Variants in GALNTL6 observed in about 807,000 individuals in gnomAD.
The protein encoded by GALNTL6 is polypeptide N-acetylgalactosaminyltransferase like 6, also known as polypeptide N-acetylgalactosaminyltransferase-like 6.
In GALNTL6, 46 loss-of-function variants were observed where a neutral mutation model predicts 73.7. That is an observed-to-expected ratio of 0.62 (90% CI 0.49 to 0.80). The LOEUF is 0.80. Among genes scored for constraint, GALNTL6 ranks in the 30% least tolerant of loss-of-function variants. The pLI, the probability that GALNTL6 is intolerant of heterozygous loss-of-function variation, is 0.00. For missense variants in GALNTL6, 604 were observed against 755.0 expected (o/e 0.80, Z 2.34); for synonymous variants, 259 against 263.7 (o/e 0.98, Z 0.17).
chr4:171,887,456 G>A (rs1264097905), intron 2 of GALNTL6, among the ~76,000 whole-genome samples: 1 of 152,164 alleles, frequency 6.6e-6, no homozygotes, highest in Non-Finnish European at 1.5e-5. Flanking sequence ...GAATAAAAAG[G>A]AGAACTTTTG....
chr4:172,228,099 A>T (rs577025099), intron 2 of GALNTL6, among the ~76,000 whole-genome samples: 1 of 152,256 alleles, frequency 6.6e-6, no homozygotes, highest in African/African-American at 2.4e-5. Flanking sequence ...TGTATAGCTG[A>T]GTTCAAAAAT....
intron 2 of GALNTL6, among the ~76,000 whole-genome samples, chr4:171,924,310 G>A (rs1737905317): frequency 6.6e-6 from 1 of 151,972 alleles, no homozygotes; most frequent in African/African-American, 2.4e-5. Context: ...GACCAGAGAG[G>A]AGTAAGTGCA....
intron 2 of GALNTL6, among the ~76,000 whole-genome samples, chr4:171,858,062 A>C (rs770262230): frequency 3.9e-5 from 6 of 152,152 alleles, no homozygotes; most frequent in Non-Finnish European, 5.9e-5. Flanking sequence ...CAATTAATTA[A>C]TTAGAGATAC....
intron 5 of GALNTL6, among the ~76,000 whole-genome samples, chr4:172,377,118 GC>G (rs1328657320): frequency 1.3e-5 from 2 of 152,102 alleles, no homozygotes; most frequent in Admixed American, 6.5e-5. Flanking sequence ...CCCTTATCTG[GC>G]CCCAAACACA....
At chr4:172,835,012 T>G (rs1182190666) in intron 7 of GALNTL6, among the ~76,000 whole-genome samples, 1 of 152,168 alleles carries the variant, frequency 6.6e-6, no homozygotes, top group African/African-American at 2.4e-5. Flanking sequence ...CATCTATACC[T>G]AAGGTTCTAG....
chr4:172,475,053 T>G (rs995054509), intron 5 of GALNTL6, among the ~76,000 whole-genome samples: 3 of 152,242 alleles, frequency 2.0e-5, no homozygotes, highest in Non-Finnish European at 4.4e-5. Context: ...TTTTATTTAT[T>G]GATTTCCTTC....
chr4:172,042,153 C>T (rs1305464694), intron 2 of GALNTL6, among the ~76,000 whole-genome samples: 1 of 151,954 alleles, frequency 6.6e-6, no homozygotes, highest in Non-Finnish European at 1.5e-5. Context: ...ATGCCCTATT[C>T]CAACTCTTAA....
rs551780715 is a variant in GALNTL6, at chr4:171,904,859, A to G, written c.138+90141A>G. Among the ~76,000 whole-genome samples the G allele has an allele frequency of 2.0e-5, 3 of 152,302 alleles. No homozygotes were observed. The East Asian group carries it at 5.8e-4, about 29-fold the overall frequency. ...AATATTCAACATTCTTAAATAAAAG[A>G]ATTTTCAACCCAGAATTTCATATCC... On this transcript the variant is annotated intron_variant, in intron 2 of 12. Transcript: ENST00000506823.
chr4:172,343,045 C>CA (rs1316670892), intron 4 of GALNTL6, among the ~76,000 whole-genome samples: 1 of 151,346 alleles, frequency 6.6e-6, no homozygotes, highest in South Asian at 2.1e-4. Flanking sequence ...GTAAAGGAAG[C>CA]AAAAAAGGGA....
At chr4:171,888,140 T>G (rs1298405636) in intron 2 of GALNTL6, among the ~76,000 whole-genome samples, 1 of 152,084 alleles carries the variant, frequency 6.6e-6, no homozygotes, top group Non-Finnish European at 1.5e-5. Flanking sequence ...TTGACATTAC[T>G]GCAATGCAAT....
chr4:172,883,642 TG>T (rs1381489813), intron 8 of GALNTL6, among the ~76,000 whole-genome samples: 2 of 152,202 alleles, frequency 1.3e-5, no homozygotes. Context: ...CCTCCAACAC[TG>T]GGGGCCACAT....
At chr4:173,008,687 A>T (rs1320514401) in intron 10 of GALNTL6, among the ~76,000 whole-genome samples, 1 of 152,254 alleles carries the variant, frequency 6.6e-6, no homozygotes, top group African/African-American at 2.4e-5. Context: ...AGAGCAGCAT[A>T]AGGTCATGGG....
intron 2 of GALNTL6, among the ~76,000 whole-genome samples, chr4:172,060,417 T>C (rs1305625513): frequency 6.6e-6 from 1 of 152,174 alleles, no homozygotes; most frequent in Non-Finnish European, 1.5e-5. Flanking sequence ...TTAGAAATAA[T>C]TGTATACTTT....
intron 2 of GALNTL6, among the ~76,000 whole-genome samples, chr4:171,881,069 G>A (rs753300822): frequency 9.9e-5 from 15 of 152,050 alleles, no homozygotes; most frequent in Non-Finnish European, 2.2e-4. Context: ...ATTTTTAACA[G>A]TTGTGAACAA....
At chr4:172,955,792 G>A (rs1749716661) in intron 10 of GALNTL6, among the ~76,000 whole-genome samples, 1 of 151,830 alleles carries the variant, frequency 6.6e-6, no homozygotes, top group African/African-American at 2.4e-5. Flanking sequence ...ATAGGATTTG[G>A]GTAGGTAAAG....
chr4:172,439,439 C>A (rs756076143), intron 5 of GALNTL6, among the ~76,000 whole-genome samples: 2 of 150,486 alleles, frequency 1.3e-5, no homozygotes, highest in Non-Finnish European at 3.0e-5. Flanking sequence ...ACTCTACTTA[C>A]ATTCGTCATG....
chr4:172,519,593 A>C (rs1405725135), intron 5 of GALNTL6, among the ~76,000 whole-genome samples: 1 of 150,966 alleles, frequency 6.6e-6, no homozygotes, highest in Admixed American at 6.6e-5. Context: ...TCTTCCACTG[A>C]CAAAGACACT....
At chr4:172,927,061 G>A (rs532317255) in intron 8 of GALNTL6, among the ~76,000 whole-genome samples, 1 of 152,222 alleles carries the variant, frequency 6.6e-6, no homozygotes, top group Admixed American at 6.5e-5. Context: ...CAGCAACCCC[G>A]TCCCCATCCA....
chr4:172,124,301 T>C (rs1358190739), intron 2 of GALNTL6, among the ~76,000 whole-genome samples: 3 of 152,188 alleles, frequency 2.0e-5, no homozygotes, highest in Admixed American at 1.3e-4. Flanking sequence ...AATGTAATGA[T>C]CTAATATCTC....
Sources: gnomAD v4.1 joint callset for allele counts (sites outside exome capture counted in the v4.1 genomes callset) on GRCh38, gnomAD v4.1.1 for gene constraint, MANE v1.5 for transcripts, NCBI Gene and HGNC (gene_info 2026-07-23, HGNC 2026-07-21) for gene names.